JARID2: variants seen among roughly 807,000 people sequenced by gnomAD.
JARID2 encodes jumonji and AT-rich interaction domain containing 2, also known as protein Jumonji.
A neutral mutation model predicts 125.6 loss-of-function variants in JARID2; 21 were observed. The observed-to-expected ratio is 0.17, with a 90% CI of 0.12 to 0.24. JARID2 has a LOEUF of 0.24. Ranked by LOEUF, JARID2 falls within the 10% of genes least tolerant of loss-of-function variation. JARID2 has a pLI of 1.00. For missense variants in JARID2, 1,303 were observed against 1,639.6 expected (o/e 0.79, Z 3.55); for synonymous variants, 736 against 661.6 (o/e 1.11, Z -1.73).
chr6:15,438,132 G>A (rs893939267), intron 3 of JARID2, among the ~76,000 whole-genome samples: 5 of 152,070 alleles, frequency 3.3e-5, no homozygotes, highest in Non-Finnish European at 4.4e-5. Context: ...GTATCCAGCT[G>A]GAAATGTTCT....
intron 7 of JARID2, among the ~76,000 whole-genome samples, chr6:15,499,753 C>T (rs1186818927): frequency 6.6e-6 from 1 of 152,068 alleles, no homozygotes; most frequent in Non-Finnish European, 1.5e-5. Context: ...GTTACCCCAA[C>T]TCCCCTGTTC....
chr6:15,351,252 G>A (rs1456939100), intron 1 of JARID2, among the ~76,000 whole-genome samples: 1 of 152,142 alleles, frequency 6.6e-6, no homozygotes, highest in Non-Finnish European at 1.5e-5. Context: ...CTCTAATAGG[G>A]TCTGGTAAAA....
At chr6:15,515,833 A>G (rs572665077) in intron 16 of JARID2, among the ~76,000 whole-genome samples, 7 of 151,982 alleles carry the variant, frequency 4.6e-5, no homozygotes, top group African/African-American at 1.4e-4. Flanking sequence ...AGGCGGGCCA[A>G]TCACAGCCTG....
At chr6:15,463,991 A>G (rs1448066080) in intron 4 of JARID2, among the ~76,000 whole-genome samples, 1 of 152,190 alleles carries the variant, frequency 6.6e-6, no homozygotes, top group African/African-American at 2.4e-5. Flanking sequence ...TAAAGAGGAA[A>G]TAAATGCTCT....
intron 2 of JARID2, among the ~76,000 whole-genome samples, chr6:15,385,686 G>A (rs946218263): frequency 1.3e-5 from 2 of 152,128 alleles, no homozygotes; most frequent in South Asian, 2.1e-4. Context: ...GCATGCAGAC[G>A]GCTCAGTGGC....
intron 2 of JARID2, among the ~76,000 whole-genome samples, chr6:15,382,787 C>T (rs1024639213): frequency 4.6e-5 from 7 of 152,176 alleles, no homozygotes; most frequent in African/African-American, 7.2e-5. Context: ...AATGGAGGTG[C>T]CTGAGGAGGT....
intron 1 of JARID2, among the ~76,000 whole-genome samples, chr6:15,353,945 C>G (rs1763513384): frequency 6.6e-6 from 1 of 152,152 alleles, no homozygotes; most frequent in Non-Finnish European, 1.5e-5. Flanking sequence ...ACTTATGTTC[C>G]TAAAGCGTAC....
chr6:15,302,930 T>G (rs925353548), intron 1 of JARID2, among the ~76,000 whole-genome samples: 1 of 152,032 alleles, frequency 6.6e-6, no homozygotes, highest in East Asian at 1.9e-4. Context: ...GAGACTGGGT[T>G]TCAGGTTGGT....
intron 5 of JARID2, among the ~76,000 whole-genome samples, chr6:15,482,868 T>G (rs974735334): frequency 6.6e-6 from 1 of 152,220 alleles, no homozygotes; most frequent in Non-Finnish European, 1.5e-5. Flanking sequence ...TGCACTGTTT[T>G]GTAGCATCCT....
At chr6:15,436,379 G>A (rs1767202877) in intron 3 of JARID2, among the ~76,000 whole-genome samples, 2 of 152,188 alleles carry the variant, frequency 1.3e-5, no homozygotes, top group South Asian at 4.1e-4. Flanking sequence ...GTGCTCTTCT[G>A]CGGCCGTGCT....
intron 3 of JARID2, among the ~76,000 whole-genome samples, chr6:15,426,730 C>T (rs1166475431): frequency 6.6e-6 from 1 of 152,174 alleles, no homozygotes; most frequent in African/African-American, 2.4e-5. Flanking sequence ...TGCTTGCTTG[C>T]TGTTTTTCCA....
At chr6:15,307,009 AG>A (rs1455566198) in intron 1 of JARID2, among the ~76,000 whole-genome samples, 1 of 151,250 alleles carries the variant, frequency 6.6e-6, no homozygotes, top group Non-Finnish European at 1.5e-5. Context: ...TGGGAGGCCG[AG>A]GTAGGCGGAT....
At chr6:15,317,799 C>A (rs1390572363) in intron 1 of JARID2, among the ~76,000 whole-genome samples, 1 of 152,110 alleles carries the variant, frequency 6.6e-6, no homozygotes, top group Non-Finnish European at 1.5e-5. Flanking sequence ...CCTTGGGTGG[C>A]GTTGCACACA....
At chr6:15,508,478 AG>A (rs781294472) in intron 12 of JARID2, 24 bp downstream of exon 12, 2 of 1,247,278 alleles carry the variant, frequency 1.6e-6, no homozygotes, top group Non-Finnish European at 2.4e-6. Flanking sequence ...CCAGGCGGGA[AG>A]GGAGGGACTG....
At chr6:15,406,193 T>C (rs1412183521) in intron 2 of JARID2, among the ~76,000 whole-genome samples, 2 of 152,166 alleles carry the variant, frequency 1.3e-5, no homozygotes, top group African/African-American at 4.8e-5. Context: ...CCTAGCACTT[T>C]GGGAGGCTGA....
At chr6:15,494,422 T>TTTTTTTTTTTC in intron 6 of JARID2, among the ~76,000 whole-genome samples, 1 of 138,056 alleles carries the variant, frequency 7.2e-6, no homozygotes, top group Non-Finnish European at 1.6e-5. Context: ...TCTTTTTTTT[T>TTTTTTTTTTTC]TTTTTTTTTT....
At chr6:15,486,631 A>C (rs1191096850) in intron 5 of JARID2, among the ~76,000 whole-genome samples, 1 of 152,230 alleles carries the variant, frequency 6.6e-6, no homozygotes, top group Non-Finnish European at 1.5e-5. Context: ...ACTAGCTATT[A>C]GCTATTGCTG....
At chr6:15,314,474 T>A (rs1762115787) in intron 1 of JARID2, among the ~76,000 whole-genome samples, 1 of 152,234 alleles carries the variant, frequency 6.6e-6, no homozygotes, top group African/African-American at 2.4e-5. Context: ...TAAACGGCAT[T>A]TTGAAAGTTG....
chr6:15,430,483 G>A lies in JARID2; in HGVS notation c.323+20118G>A, dbSNP rs529826270. Among the ~76,000 whole-genome samples the A allele has an allele frequency of 2.0e-5, 3 of 152,276 alleles. No individual in the cohort carries two copies. In the South Asian group the frequency reaches 6.2e-4, roughly 32 times the overall value. On this transcript the variant is annotated intron_variant, in intron 3 of 17. Transcript: ENST00000341776. The stretch of plus-strand genomic sequence containing the variant: ...GCCAATTATATGTTGAAATACATGA[G>A]GCCTTTTGAGATGTTGCTTCTCTTA...
Sources: gnomAD v4.1 joint callset for allele counts (sites outside exome capture counted in the v4.1 genomes callset) on GRCh38, gnomAD v4.1.1 for gene constraint, MANE v1.5 for transcripts, NCBI Gene and HGNC (gene_info 2026-07-23, HGNC 2026-07-21) for gene names.